SNX29: variants seen among roughly 807,000 people sequenced by gnomAD.
SNX29 encodes sorting nexin 29.
SNX29 carries 78 observed loss-of-function variants against 102.1 expected under a neutral mutation model. The observed-to-expected ratio is 0.76, with a 90% CI of 0.64 to 0.92. The LOEUF (loss-of-function observed/expected upper bound fraction) is 0.92. Ranked by LOEUF, SNX29 falls within the 40% of genes least tolerant of loss-of-function variation. The pLI, the probability that SNX29 is intolerant of heterozygous loss-of-function variation, is 0.00. For synonymous variants in SNX29, 580 were observed against 414.5 expected (o/e 1.40, Z -4.85); for missense variants, 1,280 against 1,061.7 (o/e 1.21, Z -2.86).
chr16:12,105,519 G>A (rs1285794997), intron 11 of SNX29, among the ~76,000 whole-genome samples: 1 of 151,910 alleles, frequency 6.6e-6, no homozygotes, highest in Non-Finnish European at 1.5e-5. Flanking sequence ...ACCACACCCG[G>A]CCAGGAATCT....
intron 3 of SNX29, among the ~76,000 whole-genome samples, chr16:12,020,888 T>C (rs1032865814): frequency 6.6e-6 from 1 of 152,134 alleles, no homozygotes. Context: ...CCTCCCAAAG[T>C]GCTGGGATTA....
intron 18 of SNX29, among the ~76,000 whole-genome samples, chr16:12,437,510 C>G (rs899589411): frequency 2.0e-5 from 3 of 152,196 alleles, no homozygotes. Flanking sequence ...TGAACTGAGT[C>G]TCAGGACATA....
chr16:12,567,214 C>G (rs1353761986), intron 20 of SNX29, among the ~76,000 whole-genome samples: 1 of 152,074 alleles, frequency 6.6e-6, no homozygotes, highest in African/African-American at 2.4e-5. Flanking sequence ...CCTTTCTAAA[C>G]CACAGATAAG....
chr16:12,214,718 C>T (rs576058423), intron 14 of SNX29, among the ~76,000 whole-genome samples: 5 of 152,238 alleles, frequency 3.3e-5, no homozygotes, highest in African/African-American at 1.2e-4. Context: ...CTTGTCTTCC[C>T]TGTGGGGTGC....
intron 20 of SNX29, chr16:12,546,176 G>C (rs1397497176): frequency 1.3e-5 from 2 of 152,194 alleles, no homozygotes; most frequent in African/African-American, 4.8e-5. Context: ...GATGGGCACT[G>C]GTGCAGGGAA....
rs148027233 is a variant in SNX29, at chr16:11,977,296, T to C, written c.7+483T>C. On this transcript the variant is annotated intron_variant, in intron 1 of 20. Coordinates refer to ENST00000566228, the MANE Select transcript of SNX29 (RefSeq NM_032167.5). ...TGGACAGTTAGTTTGCTGACCCCAG[T>C]ACCCCCGTGTCCCAGGAGCTTCTGG... 179 of 156,164 alleles carry C rather than the reference T, an allele frequency of 1.1e-3. 2 individuals are homozygous for C. The East Asian group carries it at 0.031, about 27-fold the overall frequency. The allele number at this position is 156,164 out of a possible 1,614,324, so 9.7% of individuals were successfully genotyped here. A position where few individuals can be genotyped will look rare whatever the true frequency, so the allele number is the denominator to read the frequency against.
At chr16:12,365,273 C>G (rs2432632) in intron 16 of SNX29, among the ~76,000 whole-genome samples, 1 of 151,320 alleles carries the variant, frequency 6.6e-6, no homozygotes, top group Non-Finnish European at 1.5e-5. Context: ...TCTTCATCTG[C>G]GAAGTGAATC....
rs370180003 is a variant in SNX29 at position 12,096,875 on chromosome 16, G to T, written c.1402+17960G>T. On this transcript the variant is annotated intron_variant, in intron 11 of 20. Transcript: ENST00000566228. This position sits in a 1 kb window ranked among gnomAD's most constrained non-coding sequence, Gnocchi z 4.2. The stretch of plus-strand genomic sequence containing the variant: ...GCTCCCAGGAGGGGAAGGAGGAACC[G>T]ATGACAGCAGGATGAATGTAGCAAG... Among the ~76,000 whole-genome samples, 1 of 152,192 alleles carries T rather than the reference G, an allele frequency of 6.6e-6. No homozygotes were observed. Among genetic ancestry groups the T allele is most frequent in the African/African-American group, 2.4e-5 (1 of 41,456 alleles).
At chr16:12,241,746 G>C (rs1435192378) in intron 14 of SNX29, among the ~76,000 whole-genome samples, 2 of 152,166 alleles carry the variant, frequency 1.3e-5, no homozygotes, top group African/African-American at 4.8e-5. Flanking sequence ...ACAGGCATGA[G>C]CCACCAGGCC....
At chr16:12,441,364 A>G (rs148478921) in intron 18 of SNX29, among the ~76,000 whole-genome samples, 2,415 of 152,176 alleles carry the variant, frequency 0.016, 60 homozygotes, top group African/African-American at 0.055. Context: ...CTGGGATTAC[A>G]TGTGTGAGCC....
intron 11 of SNX29, among the ~76,000 whole-genome samples, chr16:12,090,963 C>A (rs2052496352): frequency 8.8e-6 from 1 of 114,260 alleles, no homozygotes. Flanking sequence ...CGCAGTGAGA[C>A]AAGATCACAC....
At chr16:12,311,715 G>A (rs900819212) in intron 15 of SNX29, among the ~76,000 whole-genome samples, 2 of 152,206 alleles carry the variant, frequency 1.3e-5, no homozygotes, top group East Asian at 1.9e-4. Flanking sequence ...GTTGTCTGTC[G>A]CCAATTCCAG....
At chr16:12,381,022 T>A (rs1597159805) in intron 16 of SNX29, among the ~76,000 whole-genome samples, 1 of 18,426 alleles carries the variant, frequency 5.4e-5, no homozygotes, top group Non-Finnish European at 9.5e-5. Flanking sequence ...CCACCCACCA[T>A]CCACCCACCC....
chr16:12,536,809 C>T (rs540011922), intron 20 of SNX29, among the ~76,000 whole-genome samples: 1 of 152,218 alleles, frequency 6.6e-6, no homozygotes, highest in East Asian at 1.9e-4. Flanking sequence ...AACCCCATCT[C>T]TATTAAAACT....
At chr16:12,382,048 A>G (rs1383046472) in intron 16 of SNX29, among the ~76,000 whole-genome samples, 2 of 152,072 alleles carry the variant, frequency 1.3e-5, no homozygotes, top group Non-Finnish European at 2.9e-5. Context: ...AGCAGCTTCC[A>G]AAACCCAGCC....
At chr16:12,496,507 C>CTTTTT (rs537441350) in intron 19 of SNX29, among the ~76,000 whole-genome samples, 1,448 of 115,088 alleles carry the variant, frequency 0.013, 86 homozygotes, top group African/African-American at 0.044. Context: ...GCTCTCATGG[C>CTTTTT]TTTTTTTTTT....
intron 18 of SNX29, among the ~76,000 whole-genome samples, chr16:12,463,849 T>TGTGTGTGTGA (rs1391788251): frequency 2.1e-5 from 3 of 142,556 alleles, no homozygotes; most frequent in Non-Finnish European, 3.1e-5. Context: ...TGTGTGTGTG[T>TGTGTGTGTGA]GTGTGAGAGA....
intron 18 of SNX29, among the ~76,000 whole-genome samples, chr16:12,404,377 G>A (rs1032638207): frequency 2.0e-5 from 3 of 152,030 alleles, no homozygotes; most frequent in Admixed American, 6.5e-5. Flanking sequence ...TTTTAGCCCT[G>A]CCCACAGCTC....
intron 18 of SNX29, among the ~76,000 whole-genome samples, chr16:12,462,452 C>G (rs1204375996): frequency 6.6e-6 from 1 of 151,962 alleles, no homozygotes; most frequent in Non-Finnish European, 1.5e-5. Context: ...TTTTCTGTTA[C>G]CAAAGTCTGT....
Sources: gnomAD v4.1 joint callset for allele counts (sites outside exome capture counted in the v4.1 genomes callset) on GRCh38, gnomAD v4.1.1 for gene constraint, Gnocchi (gnomAD v3.1) non-coding constraint, MANE v1.5 for transcripts, NCBI Gene and HGNC (gene_info 2026-07-23, HGNC 2026-07-21) for gene names.